The following ERCC1 variants were observed in gnomAD, a reference collection of about 807,000 sequenced individuals.
The protein encoded by ERCC1 is DNA excision repair protein ERCC-1.
ERCC1 carries 36 observed loss-of-function variants against 37.6 expected under a neutral mutation model. The observed-to-expected ratio is 0.96, with a 90% confidence interval of 0.73 to 1.26. The LOEUF is 1.26. Among genes scored for constraint, ERCC1 ranks in the 50% most tolerant of loss-of-function variants. The pLI is 0.00. For missense variants in ERCC1, 349 were observed against 376.5 expected, an observed-to-expected ratio of 0.93 and a Z score of 0.60; for synonymous variants, 156 against 162.1, an observed-to-expected ratio of 0.96 and a Z score of 0.28.
intron 1 of ERCC1, among the ~76,000 whole-genome samples, chr19:45,435,249 A>G (rs1229444546): frequency 6.6e-6 from 1 of 152,116 alleles, no homozygotes; most frequent in Non-Finnish European, 1.5e-5. Flanking sequence ...TTCCAGGACT[A>G]TGCCGCACAG....
At chr19:45,413,420 A>G in intron 9 of ERCC1, 1 of 674,038 alleles carries the variant, frequency 1.5e-6, no homozygotes, top group South Asian at 1.8e-5. Context: ...GCACGTAGCA[A>G]GCTCACACCA....
chr19:45,411,062 G>T (rs1221508165), intron 9 of ERCC1, among the ~76,000 whole-genome samples: 2 of 152,106 alleles, frequency 1.3e-5, no homozygotes, highest in Non-Finnish European at 2.9e-5. Flanking sequence ...GGCCTCAAGT[G>T]ATCTGCCCGC....
chr19:45,421,448 T>C (rs1179496831), intron 2 of ERCC1, 55 bp from the exon 3 acceptor site: 12 of 1,245,104 alleles, frequency 9.6e-6, no homozygotes, highest in Middle Eastern at 2.7e-4. Context: ...AGAGGACATC[T>C]GAGGCCCTGT....
upstream of ERCC1, among the ~76,000 whole-genome samples, chr19:45,427,043 T>C (rs1974712128): frequency 6.6e-6 from 1 of 150,810 alleles, no homozygotes; most frequent in Admixed American, 6.6e-5. Context: ...GAGGGAGAAT[T>C]GCTTGAGCCC....
chr19:45,414,593 T>G (rs558180956), intron 7 of ERCC1: 236 of 473,492 alleles, frequency 5.0e-4, no homozygotes, highest in Non-Finnish European at 8.0e-4. Context: ...GCCACGGGGC[T>G]TCTGAGCCTG....
chr19:45,425,295 C>T (rs1466181809), upstream of ERCC1, among the ~76,000 whole-genome samples: 1 of 151,762 alleles, frequency 6.6e-6, no homozygotes, highest in Non-Finnish European at 1.5e-5. Context: ...CCTCCCAGAG[C>T]TTACAGTTCA....
chr19:45,416,551 C>G (rs1974078104), intron 6 of ERCC1: 1 of 456,174 alleles, frequency 2.2e-6, no homozygotes. Context: ...ACTTGGGAGG[C>G]TGAGGCAGAA....
chr19:45,412,735 C>CT lies in ERCC1; in HGVS notation c.843+941dup, dbSNP rs1158971292. The stretch of plus-strand genomic sequence containing the variant: ...GTTTGCTGTGCAGAAGCCTTTTATT[C>CT]TTTTTTTTTTTTTTAATTTTTGAGA... On this transcript the variant is annotated intron_variant, in intron 9 of 9. Coordinates refer to ENST00000300853, the MANE Select transcript of ERCC1 (RefSeq NM_001983.4). Among the ~76,000 whole-genome samples, 994 of 139,864 alleles carry CT rather than the reference C, an allele frequency of 7.1e-3. 9 individuals are homozygous for CT. The highest frequency in any genetic ancestry group is 0.018 in the African/African-American group (685 of 38,308). 91.8% of individuals were successfully genotyped at this position (139,864 alleles called of 152,430 possible).
chr19:45,413,624 T>G (rs150644355), intron 9 of ERCC1, 53 bp downstream of exon 9: 2 of 1,614,132 alleles, frequency 1.2e-6, no homozygotes, highest in African/African-American at 2.7e-5. Flanking sequence ...GTTGTGTTTA[T>G]TTGGGGCTCT....
chr19:45,441,948 CTGGGA>C (rs1185796661), intron 1 of ERCC1, among the ~76,000 whole-genome samples: 1 of 152,064 alleles, frequency 6.6e-6, no homozygotes, highest in East Asian at 1.9e-4. Context: ...TCCCAAAGTG[CTGGGA>C]TTACAGGTGT....
rs1973533884 is a variant in ERCC1 at position 45,409,205 on chromosome 19, G to C, written c.*470C>G. The C allele has an allele frequency of 6.2e-7, 1 of 1,613,360 alleles. No individual in the cohort carries two copies. The highest frequency in any genetic ancestry group is 8.5e-7 in the Non-Finnish European group (1 of 1,179,646). Reference sequence around the variant, plus strand: ...GGGGCCTGAGCTGCCGGATGACCTTGAGCCTCAGGCAGCTCCCACATCCAC... The same window carrying C: ...GGGGCCTGAGCTGCCGGATGACCTTCAGCCTCAGGCAGCTCCCACATCCAC... On this transcript the variant is annotated 3_prime_UTR_variant, in exon 10 of 10. Coordinates refer to ENST00000300853, the MANE Select transcript of ERCC1 (RefSeq NM_001983.4).
chr19:45,424,829 A>G (rs558412127), upstream of ERCC1, among the ~76,000 whole-genome samples: 13 of 151,774 alleles, frequency 8.6e-5, no homozygotes, highest in Non-Finnish European at 1.9e-4. Flanking sequence ...TTTATGCGCA[A>G]CTATTTATCA....
intron 1 of ERCC1, among the ~76,000 whole-genome samples, chr19:45,439,616 G>T (rs1975065137): frequency 6.6e-6 from 1 of 152,174 alleles, no homozygotes; most frequent in African/African-American, 2.4e-5. Context: ...TGCGATCCCT[G>T]CGGGGGCCAC....
chr19:45,413,873 G>A lies in ERCC1; in HGVS notation c.774+90C>T, dbSNP rs1973886456. 3.8e-6 allele frequency: 6 copies of A among 1,567,872 alleles called. 1 individual carries two copies. The highest frequency in any genetic ancestry group is 2.2e-5 in the South Asian group (2 of 90,206). ...TGGGAAGGCAGGACGGGCAAGGGGT[G>A]GGCAGGGAGATGGAAGGAAATGGGT... On this transcript the variant is annotated intron_variant, in intron 8 of 9. Coordinates refer to ENST00000300853, the MANE Select transcript of ERCC1 (RefSeq NM_001983.4).
At chr19:45,450,896 C>T (rs1341996833) in intron 1 of ERCC1, among the ~76,000 whole-genome samples, 2 of 89,768 alleles carry the variant, frequency 2.2e-5, no homozygotes, top group Admixed American at 8.5e-5. Flanking sequence ...CGCCCCCCCC[C>T]CCCCCCCCCA....
chr19:45,421,404 A>C lies in ERCC1; in HGVS notation c.106-11T>G. 6.3e-7 allele frequency: 1 copy of C among 1,592,588 alleles called. No individual in the cohort carries two copies. Among genetic ancestry groups the C allele is most frequent in the Non-Finnish European group, 8.6e-7 (1 of 1,165,456 alleles). ...GAATAAGGGCTTGGCCTGTGGGGAG[A>C]AAGGGAGTTTGCAGGGGACTGGTTG... is the stretch of plus-strand genomic sequence containing the variant. On this transcript the variant is annotated splice_polypyrimidine_tract_variant and intron_variant, in intron 2 of 9. Transcript: ENST00000300853.
In ERCC1 at chr19:45,423,878, G is replaced by A. The variant is rs3212933; in HGVS notation, c.-105C>T. The A allele has an allele frequency of 3.7e-3, 4,139 of 1,103,870 alleles. 124 individuals carry two copies. The African/African-American group carries it at 0.057, about 15-fold the overall frequency. The allele number at this position is 1,103,870 out of a possible 1,614,324, so 68.4% of individuals were successfully genotyped here. A position where few individuals can be genotyped will look rare whatever the true frequency, so the allele number is the denominator to read the frequency against. ...TGCAGAGGGATCGAGGCGGCCCACT[G>A]CCAGCACGGCCAGCGTGGCCCAGGG... On this transcript the variant is annotated 5_prime_UTR_variant, in exon 1 of 10. Coordinates refer to ENST00000300853, the MANE Select transcript of ERCC1 (RefSeq NM_001983.4).
At chr19:45,451,271 A>G (rs1190043873) in intron 1 of ERCC1, among the ~76,000 whole-genome samples, 2 of 151,966 alleles carry the variant, frequency 1.3e-5, no homozygotes, top group East Asian at 3.9e-4. Context: ...TATCCCCCCC[A>G]AACCATCACA....
chr19:45,430,776 G>T (rs1052389915), intron 1 of ERCC1, among the ~76,000 whole-genome samples: 1 of 152,026 alleles, frequency 6.6e-6, no homozygotes, highest in Non-Finnish European at 1.5e-5. Context: ...AATTAGCAGG[G>T]CATGGTGGTG....
Sources: gnomAD v4.1 joint callset for allele counts (sites outside exome capture counted in the v4.1 genomes callset) on GRCh38, gnomAD v4.1.1 for gene constraint, MANE v1.5 for transcripts, NCBI Gene and HGNC (gene_info 2026-07-23, HGNC 2026-07-21) for gene names.